Variants in SLC8A1 observed in about 807,000 individuals in gnomAD.
SLC8A1 encodes solute carrier family 8 member A1, also known as sodium/calcium exchanger 1.
Under a neutral mutation model 68.3 loss-of-function variants are expected in SLC8A1, and 18 were observed. That is an observed-to-expected ratio of 0.26 (90% CI 0.18 to 0.39). SLC8A1 has a LOEUF of 0.39. Ranked by LOEUF, SLC8A1 falls within the 10% of genes least tolerant of loss-of-function variation. The pLI, the probability that SLC8A1 is intolerant of heterozygous loss-of-function variation, is 1.00. For missense variants in SLC8A1, 985 were observed against 1,156.7 expected, an observed-to-expected ratio of 0.85 and a Z score of 2.15; for synonymous variants, 475 against 415.5, an observed-to-expected ratio of 1.14 and a Z score of -1.74.
intron 2 of SLC8A1, among the ~76,000 whole-genome samples, chr2:40,233,498 C>G (rs987976576): frequency 1.4e-5 from 2 of 141,926 alleles, no homozygotes; most frequent in Non-Finnish European, 3.1e-5. Context: ...GGATATTAGC[C>G]CTTTGTCAGA....
chr2:40,191,086 T>C (rs1191244637), intron 2 of SLC8A1, among the ~76,000 whole-genome samples: 2 of 152,170 alleles, frequency 1.3e-5, no homozygotes, highest in African/African-American at 4.8e-5. Flanking sequence ...TGCCTCTATA[T>C]GGTGAAATAC....
At chr2:40,405,051 C>G (rs1264602000) in intron 2 of SLC8A1, among the ~76,000 whole-genome samples, 1 of 152,128 alleles carries the variant, frequency 6.6e-6, no homozygotes, top group Non-Finnish European at 1.5e-5. Context: ...CTCCCCCTCC[C>G]CAGCCCCATA....
At chr2:40,196,370 T>TA (rs2053019863) in intron 2 of SLC8A1, among the ~76,000 whole-genome samples, 1 of 151,926 alleles carries the variant, frequency 6.6e-6, no homozygotes, top group Non-Finnish European at 1.5e-5. Context: ...TCTCAGTAAA[T>TA]ACAAGGCTCA....
intron 2 of SLC8A1, among the ~76,000 whole-genome samples, chr2:40,381,450 T>G (rs1681758574): frequency 6.6e-6 from 1 of 152,016 alleles, no homozygotes; most frequent in Non-Finnish European, 1.5e-5. Flanking sequence ...TCTCCATGAG[T>G]TTATGAACCT....
rs575422068 is a variant in SLC8A1 at position 40,322,015 on chromosome 2, C to T, written c.1808+106458G>A. Among the ~76,000 whole-genome samples, 5 of 152,258 alleles carry T rather than the reference C, an allele frequency of 3.3e-5. No individual in the cohort carries two copies. The South Asian group carries it at 1.0e-3, about 32-fold the overall frequency. ...TGAATCTCTAAGCAAATGGAAAGGCCTATGATGACTCTCACTAGAATTGAC... is the reference window on the plus strand; with the variant it reads ...TGAATCTCTAAGCAAATGGAAAGGCTTATGATGACTCTCACTAGAATTGAC... On this transcript the variant is annotated intron_variant, in intron 2 of 7. Coordinates refer to ENST00000406785, the Ensembl canonical transcript of SLC8A1.
At chr2:40,406,307 C>G (rs547944382) in intron 2 of SLC8A1, among the ~76,000 whole-genome samples, 1 of 152,116 alleles carries the variant, frequency 6.6e-6, no homozygotes, top group African/African-American at 2.4e-5. Context: ...TTGTGGATTC[C>G]TAGACTTTGT....
chr2:40,350,208 A>G (rs1417117000), intron 2 of SLC8A1, among the ~76,000 whole-genome samples: 1 of 152,168 alleles, frequency 6.6e-6, no homozygotes, highest in Non-Finnish European at 1.5e-5. Flanking sequence ...TCAGCTGGGT[A>G]TGGTGGCTCA....
chr2:40,169,146 G>C (rs2047039117), intron 4 of SLC8A1, among the ~76,000 whole-genome samples: 1 of 152,208 alleles, frequency 6.6e-6, no homozygotes, highest in Non-Finnish European at 1.5e-5. Context: ...CAGTGTAAGA[G>C]GTGAAGTGCT....
chr2:40,213,491 G>C (rs552023954), intron 2 of SLC8A1: 1 of 152,206 alleles, frequency 6.6e-6, no homozygotes, highest in Non-Finnish European at 1.5e-5. Context: ...TGAATGTCAT[G>C]TGTGACAGTT....
rs1032682833 is a variant in SLC8A1 at position 40,309,190 on chromosome 2, T to A, written c.1808+119283A>T. Among the ~76,000 whole-genome samples the A allele has an allele frequency of 9.9e-5, 15 of 152,234 alleles. 1 individual carries two copies. Among genetic ancestry groups the A allele is most frequent in the Admixed American group, 6.5e-4 (10 of 15,278 alleles). ...GTGACAGTGCTTTAGGTAAATTTTG[T>A]TTATTCCTTATTTATCTTCTTATTC... On this transcript the variant is annotated intron_variant, in intron 2 of 7. Coordinates refer to ENST00000406785, the Ensembl canonical transcript of SLC8A1.
chr2:40,311,272 G>T (rs977746578), intron 2 of SLC8A1, among the ~76,000 whole-genome samples: 3 of 151,924 alleles, frequency 2.0e-5, no homozygotes, highest in Non-Finnish European at 4.4e-5. Flanking sequence ...TAGGTCAAAA[G>T]GAATGACTCC....
At position 40,361,500 on chromosome 2, in the gene SLC8A1, A is replaced by T. The variant is rs529352206; in HGVS notation, c.1808+66973T>A. 3.1e-4 allele frequency among the ~76,000 whole-genome samples: 46 copies of T among 150,588 alleles called. No individual in the cohort carries two copies. The South Asian group carries it at 9.5e-3, about 31-fold the overall frequency. The stretch of plus-strand genomic sequence containing the variant: ...TTTGTTTTGGAATAGTCTTAATATT[A>T]CTGTAAACACTTGAGAACATGTTCA... On this transcript the variant is annotated intron_variant, in intron 2 of 7. Coordinates refer to ENST00000406785, the Ensembl canonical transcript of SLC8A1.
chr2:40,399,568 T>C (rs1473584221), intron 2 of SLC8A1, among the ~76,000 whole-genome samples: 1 of 152,174 alleles, frequency 6.6e-6, no homozygotes, highest in East Asian at 1.9e-4. Context: ...CAATTTTTAA[T>C]CTAACTCTTA....
At chr2:40,294,928 T>C (rs1392848731) in intron 2 of SLC8A1, among the ~76,000 whole-genome samples, 1 of 152,090 alleles carries the variant, frequency 6.6e-6, no homozygotes, top group Non-Finnish European at 1.5e-5. Flanking sequence ...TCTGAATAGA[T>C]GGCTTCCACC....
chr2:40,232,124 G>C (rs1202496634), intron 2 of SLC8A1, among the ~76,000 whole-genome samples: 2 of 152,064 alleles, frequency 1.3e-5, no homozygotes, highest in Admixed American at 1.3e-4. Flanking sequence ...GATCACTGAA[G>C]GTCAAAGCAC....
At chr2:40,344,338 A>G (rs977847808) in intron 2 of SLC8A1, among the ~76,000 whole-genome samples, 5 of 152,172 alleles carry the variant, frequency 3.3e-5, no homozygotes, top group Non-Finnish European at 7.3e-5. Flanking sequence ...CACTGGGTCT[A>G]TGACAATGTA....
At chr2:40,242,660 G>A (rs2061371854) in intron 2 of SLC8A1, among the ~76,000 whole-genome samples, 2 of 152,166 alleles carry the variant, frequency 1.3e-5, no homozygotes, top group African/African-American at 4.8e-5. Context: ...TTTACTCATG[G>A]TATTGCCTTA....
At chr2:40,452,087 C>A (rs1349607379), upstream of SLC8A1, 1 of 149,790 alleles carries the variant, frequency 6.7e-6, no homozygotes, top group African/African-American at 2.4e-5. Flanking sequence ...GCGGGAGCCG[C>A]GGCAGCGGGC....
At chr2:40,298,702 C>T (rs558517888) in intron 2 of SLC8A1, among the ~76,000 whole-genome samples, 7 of 152,092 alleles carry the variant, frequency 4.6e-5, no homozygotes, top group African/African-American at 1.4e-4. Flanking sequence ...TGGTAACATA[C>T]GTGCTGTAAG....
Sources: gnomAD v4.1 joint callset for allele counts (sites outside exome capture counted in the v4.1 genomes callset) on GRCh38, gnomAD v4.1.1 for gene constraint, MANE v1.5 for transcripts, NCBI Gene and HGNC (gene_info 2026-07-23, HGNC 2026-07-21) for gene names.